The following ZFC3H1 variants were observed in gnomAD, a reference collection of about 807,000 sequenced individuals.
The protein encoded by ZFC3H1 is zinc finger C3H1-type containing.
In ZFC3H1, 71 loss-of-function variants were observed where a neutral mutation model predicts 243.7. The observed-to-expected ratio is 0.29, with a 90% CI of 0.24 to 0.36. The LOEUF is 0.36. Among genes scored for constraint, ZFC3H1 ranks in the 10% least tolerant of loss-of-function variants. The pLI, the probability that ZFC3H1 is intolerant of heterozygous loss-of-function variation, is 1.00. For synonymous variants in ZFC3H1, 838 were observed against 813.0 expected (o/e 1.03, Z -0.52); for missense variants, 1,966 against 2,317.1 (o/e 0.85, Z 3.11).
At chr12:71,641,430 G>A (rs1426943850) in intron 6 of ZFC3H1, among the ~76,000 whole-genome samples, 1 of 152,200 alleles carries the variant, frequency 6.6e-6, no homozygotes, top group African/African-American at 2.4e-5. Flanking sequence ...TGACTATAGG[G>A]AGAAATACAC....
Position 71,629,651 on chromosome 12 carries a change from C to T in ZFC3H1, c.3784G>A (p.Ala1262Thr). 1 of 1,612,444 alleles carries T rather than the reference C, an allele frequency of 6.2e-7. No homozygotes were observed. The highest frequency in any genetic ancestry group is 8.5e-7 in the Non-Finnish European group (1 of 1,179,492). Residue 1262 changes from alanine (A) to threonine (T), a missense_variant, in exon 19 of 35, where the codon GCT (alanine) becomes ACT (threonine). Ala to Thr is a moderately conservative substitution (Grantham distance 58). Coordinates refer to ENST00000378743, the MANE Select transcript of ZFC3H1 (RefSeq NM_144982.5). Reference sequence around the variant, plus strand: ...TTGATATTGCTAACAAGGAGAACAGCCATCTGGTCCATTGACATTCGATCT... The same window carrying T: ...TTGATATTGCTAACAAGGAGAACAGTCATCTGGTCCATTGACATTCGATCT... ...NKDRMSMDQM[A>T]VLLVSNINES...
chr12:71,659,085 C>T (rs1881096450), intron 1 of ZFC3H1, among the ~76,000 whole-genome samples: 1 of 152,166 alleles, frequency 6.6e-6, no homozygotes, highest in African/African-American at 2.4e-5. Context: ...TCTTTTCTCT[C>T]TAACTTGTGA....
intron 27 of ZFC3H1, among the ~76,000 whole-genome samples, chr12:71,617,136 C>A (rs1329756277): frequency 2.0e-5 from 3 of 152,114 alleles, no homozygotes; most frequent in Admixed American, 1.3e-4. Context: ...AATTTCTACT[C>A]ATGAAATTTT....
chr12:71,663,083 C>G lies in ZFC3H1; in HGVS notation c.528G>C (p.Leu176=). The change falls in exon 1 of 35, where the codon CTG becomes CTC. Residue 176 remains leucine, a synonymous_variant. Coordinates refer to ENST00000378743, the MANE Select transcript of ZFC3H1 (RefSeq NM_144982.5). ...TGAACCCGGATCCTGCTCCTCCTCC[C>G]AGAGGAGGTCTGCACCCCGGCTTGC... is the stretch of plus-strand genomic sequence containing the variant. The part of the protein sequence containing the change: ...RGGKPGCRPP[L]GGGAGSGFSS... 6.2e-7 allele frequency: 1 copy of G among 1,614,024 alleles called. No individual in the cohort carries two copies. The highest frequency in any genetic ancestry group is 8.5e-7 in the Non-Finnish European group (1 of 1,180,016).
chr12:71,631,074 T>C (rs1880310576), intron 16 of ZFC3H1, 120 bp from the exon 17 acceptor site: 2 of 1,032,756 alleles, frequency 1.9e-6, no homozygotes, highest in East Asian at 5.6e-5. Flanking sequence ...ATGAGCTATT[T>C]ATCTAATTAA....
chr12:71,641,114 C>A (rs573598385), intron 6 of ZFC3H1, among the ~76,000 whole-genome samples: 1 of 152,048 alleles, frequency 6.6e-6, no homozygotes, highest in African/African-American at 2.4e-5. Flanking sequence ...ATATGTTTCA[C>A]AAAATCATTT....
intron 7 of ZFC3H1, 99 bp downstream of exon 7, chr12:71,638,319 T>C: frequency 8.5e-7 from 1 of 1,181,670 alleles, no homozygotes; most frequent in Non-Finnish European, 1.2e-6. Context: ...TAAGCAATTC[T>C]GATTTTTTAA....
At chr12:71,635,142 A>C (rs1187078096) in intron 10 of ZFC3H1, among the ~76,000 whole-genome samples, 2 of 152,184 alleles carry the variant, frequency 1.3e-5, no homozygotes, top group African/African-American at 4.8e-5. Context: ...CTGGTAACAC[A>C]ACACAACTCT....
chr12:71,640,301 G>C (rs115508321), intron 6 of ZFC3H1, among the ~76,000 whole-genome samples: 1,992 of 152,292 alleles, frequency 0.013, 41 homozygotes, highest in African/African-American at 0.045. Flanking sequence ...GGGATTACAG[G>C]TGTGAGTCAC....
chr12:71,653,284 C>T (rs553363337), intron 2 of ZFC3H1, among the ~76,000 whole-genome samples: 2 of 152,134 alleles, frequency 1.3e-5, no homozygotes, highest in South Asian at 4.1e-4. Flanking sequence ...TAAGGCAAAT[C>T]GAATACAGCA....
Position 71,632,836 on chromosome 12 carries a change from A to G in ZFC3H1, c.2817+50T>C, listed in dbSNP as rs371273769. 20 of 1,595,848 alleles carry G rather than the reference A, an allele frequency of 1.3e-5. No individual in the cohort carries two copies. The African/African-American group carries it at 2.5e-4, about 20-fold the overall frequency. The stretch of plus-strand genomic sequence containing the variant: ...TATACATCTTACCCTTAAAACTATC[A>G]TAAAAACTTTCTGCTTTCCAAAAGT... On this transcript the variant is annotated intron_variant, in intron 14 of 34. Transcript: ENST00000378743.
intron 6 of ZFC3H1, among the ~76,000 whole-genome samples, chr12:71,641,114 C>CA (rs1170918698): frequency 6.6e-6 from 1 of 151,930 alleles, no homozygotes; most frequent in African/African-American, 2.4e-5. Flanking sequence ...ATATGTTTCA[C>CA]AAAATCATTT....
Position 71,663,835 on chromosome 12 carries a change from G to A in ZFC3H1, c.-225C>T, listed in dbSNP as rs931234772. On this transcript the variant is annotated 5_prime_UTR_variant, in exon 1 of 35. Transcript: ENST00000378743. ...TTTCCTAGCGCCCCCTTGCTCCTCA[G>A]CGATCGGGGTTCTTCCGCCTCGCGA... The A allele has an allele frequency of 1.7e-6, 1 of 580,822 alleles. No homozygotes were observed. Among genetic ancestry groups the A allele is most frequent in the Non-Finnish European group, 3.0e-6 (1 of 330,440 alleles). The allele number at this position is 580,822 out of a possible 1,614,324, so 36.0% of individuals were successfully genotyped here. A position where few individuals can be genotyped will look rare whatever the true frequency, so the allele number is the denominator to read the frequency against.
At chr12:71,630,579 G>A (rs748641837) in intron 18 of ZFC3H1, 21 bp downstream of exon 18, 2 of 1,594,046 alleles carry the variant, frequency 1.3e-6, no homozygotes, top group South Asian at 1.2e-5. Context: ...ATTTGGGAGA[G>A]AATAGGAAGT....
At chr12:71,611,962 T>TTGG in intron 31 of ZFC3H1, 75 bp from the exon 32 acceptor site, 9 of 806,378 alleles carry the variant, frequency 1.1e-5, no homozygotes, top group South Asian at 1.7e-5. Flanking sequence ...ATGAGCACAA[T>TTGG]GACGAAGTAT....
At chr12:71,619,470 C>T (rs1395946905) in intron 26 of ZFC3H1, 61 bp from the exon 27 acceptor site, 25 of 1,498,410 alleles carry the variant, frequency 1.7e-5, no homozygotes, top group South Asian at 2.4e-5. Flanking sequence ...TAAAATGTCA[C>T]GAGGGAGAAA....
intron 24 of ZFC3H1, among the ~76,000 whole-genome samples, chr12:71,622,543 A>C (rs1217650282): frequency 6.6e-6 from 1 of 151,976 alleles, no homozygotes. Context: ...GCTCACTGTA[A>C]CCTTCGCCTC....
At chr12:71,637,412 T>C (rs904485156) in intron 7 of ZFC3H1, among the ~76,000 whole-genome samples, 1 of 152,096 alleles carries the variant, frequency 6.6e-6, no homozygotes, top group Admixed American at 6.6e-5. Flanking sequence ...TGAAAGCAAG[T>C]AGAGGTACTG....
chr12:71,633,541 C>A, intron 12 of ZFC3H1, 103 bp from the exon 13 acceptor site: 1 of 832,244 alleles, frequency 1.2e-6, no homozygotes. Flanking sequence ...AAAAATGCAT[C>A]TACGAGACAC....
Sources: allele counts gnomAD v4.1 joint callset (sites outside exome capture counted in the v4.1 genomes callset), GRCh38; gene constraint gnomAD v4.1.1; transcripts MANE v1.5; gene names NCBI Gene and HGNC (gene_info 2026-07-23, HGNC 2026-07-21).